PRRC1: variants seen among roughly 807,000 people sequenced by gnomAD.
The protein encoded by PRRC1 is protein PRRC1.
In PRRC1, 39 loss-of-function variants were observed where a neutral mutation model predicts 40.7. That is an observed-to-expected ratio of 0.96 (90% CI 0.74 to 1.25). The LOEUF (loss-of-function observed/expected upper bound fraction) is 1.25, where lower values mean the gene tolerates loss of function less well. Ranked by LOEUF, PRRC1 falls within the 50% of genes most tolerant of loss-of-function variation. The probability of loss-of-function intolerance (pLI) is 0.00; values close to 1 mark genes in which losing one functional copy is unlikely to be tolerated. For missense variants in PRRC1, 573 were observed against 548.3 expected, an observed-to-expected ratio of 1.05 and a Z score of -0.45; for synonymous variants, 175 against 193.3, an observed-to-expected ratio of 0.91 and a Z score of 0.79.
intron 7 of PRRC1, among the ~76,000 whole-genome samples, chr5:127,543,511 A>T (rs1768113991): frequency 6.6e-6 from 1 of 152,174 alleles, no homozygotes; most frequent in African/African-American, 2.4e-5. Context: ...CAGGTACACC[A>T]GTCAGACGTA....
chr5:127,525,612 T>G (rs1319320817), intron 3 of PRRC1, among the ~76,000 whole-genome samples: 1 of 152,222 alleles, frequency 6.6e-6, no homozygotes, highest in African/African-American at 2.4e-5. Context: ...TTTTACCTTC[T>G]TATTAGCAGT....
In PRRC1 at chr5:127,539,093, A is replaced by C. The variant is rs369655200; in HGVS notation, c.975A>C (p.Lys325Asn). ...SLRRTGVIHE[K>N]QTAVSVENFI... is the part of the protein sequence containing the mutation. Reference sequence around the variant, plus strand: ...GTCGAACTGGGGTGATCCATGAAAAACAGACAGCTGTGTCAGTAGAAAACT... The same window carrying C: ...GTCGAACTGGGGTGATCCATGAAAACCAGACAGCTGTGTCAGTAGAAAACT... The change falls in exon 7 of 9, where the codon AAA becomes AAC. Residue 325 changes from lysine to asparagine, a missense_variant. Lys to Asn is a moderately conservative substitution (Grantham distance 94). Coordinates refer to ENST00000296666, the MANE Select transcript of PRRC1 (RefSeq NM_130809.5). 7 of 1,612,926 alleles carry C rather than the reference A, an allele frequency of 4.3e-6. No individual in the cohort carries two copies. The African/African-American group carries it at 6.7e-5, about 15-fold the overall frequency.
chr5:127,523,567 A>G lies in PRRC1; in HGVS notation c.88A>G (p.Thr30Ala), dbSNP rs766095965. The G allele has an allele frequency of 2.5e-6, 4 of 1,608,354 alleles. No individual in the cohort carries two copies. Among genetic ancestry groups the G allele is most frequent in the Non-Finnish European group, 3.4e-6 (4 of 1,177,550 alleles). The change falls in exon 2 of 9, where the codon ACC becomes GCC. Residue 30 changes from threonine to alanine, a missense_variant. Coordinates refer to ENST00000296666, the MANE Select transcript of PRRC1 (RefSeq NM_130809.5). ...GCTGGCTGCTACTGCTATGTCTTCT[A>G]CCCCTGTTCCATTAGGTACATGTAG... The part of the protein sequence containing the change: ...AGLAATAMSS[T>A]PVPLAATSSF...
rs1768420374 is a variant in PRRC1, at chr5:127,552,481, A to T, written c.*565A>T. ...TCAGTAATATGGGCCAAAATAATGG[A>T]ATTGATTATTTTCCTTTTTGGCCAT... On this transcript the variant is annotated 3_prime_UTR_variant, in exon 9 of 9. Transcript: ENST00000296666. 1 of 986,606 alleles carries T rather than the reference A, an allele frequency of 1.0e-6. No homozygotes were observed. The highest frequency in any genetic ancestry group is 1.7e-5 in the African/African-American group (1 of 57,240). 61.1% of individuals were successfully genotyped at this position (986,606 alleles called of 1,614,324 possible).
intron 7 of PRRC1, among the ~76,000 whole-genome samples, chr5:127,543,751 G>A (rs1274969283): frequency 6.6e-6 from 1 of 152,016 alleles, no homozygotes; most frequent in South Asian, 2.1e-4. Context: ...TCTCTGTATT[G>A]GTTATTCTAG....
chr5:127,519,542 G>A lies in PRRC1; in HGVS notation c.-21+1766G>A, dbSNP rs181095175. Among the ~76,000 whole-genome samples the A allele has an allele frequency of 7.9e-5, 12 of 152,254 alleles. No homozygotes were observed. The East Asian group carries it at 2.3e-3, about 29-fold the overall frequency. On this transcript the variant is annotated intron_variant, in intron 1 of 8. Coordinates refer to ENST00000296666, the MANE Select transcript of PRRC1 (RefSeq NM_130809.5). ...GCTTCTCTGCAGCATTAATACTGTTGCCCATTCATACTGCGAAACTCTGGC... is the reference window on the plus strand; with the variant it reads ...GCTTCTCTGCAGCATTAATACTGTTACCCATTCATACTGCGAAACTCTGGC...
rs1768396746 is a variant in PRRC1, at chr5:127,551,891, A to G, written c.1313A>G (p.Gln438Arg). 6.2e-7 allele frequency: 1 copy of G among 1,614,102 alleles called. No individual in the cohort carries two copies. The change falls in exon 9 of 9, where the codon CAG becomes CGG. Residue 438 changes from glutamine to arginine, a missense_variant. Transcript: ENST00000296666. Reference protein sequence around the residue: ...AARAIAGMYKQRLPPRTV With the variant: ...AARAIAGMYKRRLPPRTV ...AGAGCGATAGCGGGCATGTATAAAC[A>G]GCGCCTGCCACCCAGGACAGTGTGA...
At chr5:127,541,837 C>G (rs2127109571) in intron 7 of PRRC1, among the ~76,000 whole-genome samples, 1 of 152,074 alleles carries the variant, frequency 6.6e-6, no homozygotes, top group Non-Finnish European at 1.5e-5. Context: ...CTCCTGGATT[C>G]ATTAATTTTT....
Position 127,552,424 on chromosome 5 carries a change from T to A in PRRC1, c.*508T>A, listed in dbSNP as rs1358651983. On this transcript the variant is annotated 3_prime_UTR_variant, in exon 9 of 9. Coordinates refer to ENST00000296666, the MANE Select transcript of PRRC1 (RefSeq NM_130809.5). ...ACAGTCACTATAAGACACCTACTTG[T>A]CGGGAGATGTTCCACATTTCTGTGC... 1 of 987,238 alleles carries A rather than the reference T, an allele frequency of 1.0e-6. No individual in the cohort carries two copies. Among genetic ancestry groups the A allele is most frequent in the Non-Finnish European group, 1.2e-6 (1 of 830,896 alleles). 61.2% of individuals were successfully genotyped at this position (987,238 alleles called of 1,614,324 possible).
rs898844171 is a variant in PRRC1 at position 127,553,073 on chromosome 5, C to CAA, written c.*1158_*1159dup. On this transcript the variant is annotated 3_prime_UTR_variant, in exon 9 of 9. Transcript: ENST00000296666. ...TTAATACTGTTGGACTTTGTATATA[C>CAA]AAGTTCAAATAACTTTTTCGAAGAT... 36 of 781,202 alleles carry CAA rather than the reference C, an allele frequency of 4.6e-5. No individual in the cohort carries two copies. In the African/African-American group the frequency reaches 6.6e-4, roughly 14 times the overall value. 48.4% of individuals were successfully genotyped at this position (781,202 alleles called of 1,614,324 possible).
intron 6 of PRRC1, among the ~76,000 whole-genome samples, chr5:127,537,991 A>G (rs1240556203): frequency 6.6e-6 from 1 of 151,846 alleles, no homozygotes; most frequent in Admixed American, 6.6e-5. Flanking sequence ...TTCTTTGTTC[A>G]GTTTTTTATG....
chr5:127,533,937 T>C, intron 6 of PRRC1, 151 bp downstream of exon 6: 3 of 786,342 alleles, frequency 3.8e-6, no homozygotes, highest in Admixed American at 2.0e-5. Flanking sequence ...TATCGTATTA[T>C]GAAGATATAG....
At chr5:127,540,034 G>A (rs1232571420) in intron 7 of PRRC1, among the ~76,000 whole-genome samples, 1 of 152,064 alleles carries the variant, frequency 6.6e-6, no homozygotes, top group African/African-American at 2.4e-5. Flanking sequence ...GAAGTAGGAT[G>A]TTCTGGGTGG....
chr5:127,530,474 C>T, intron 5 of PRRC1, 78 bp downstream of exon 5: 1 of 807,584 alleles, frequency 1.2e-6, no homozygotes, highest in Non-Finnish European at 2.0e-6. Flanking sequence ...TTGTAATTCT[C>T]TGTTCGTTTC....
intron 1 of PRRC1, among the ~76,000 whole-genome samples, chr5:127,518,485 C>T (rs1767375119): frequency 6.6e-6 from 1 of 152,212 alleles, no homozygotes; most frequent in African/African-American, 2.4e-5. Flanking sequence ...TGAGAGACAA[C>T]ATGTGCATTT....
chr5:127,535,687 T>G (rs544283899), intron 6 of PRRC1, among the ~76,000 whole-genome samples: 2 of 152,200 alleles, frequency 1.3e-5, no homozygotes, highest in Non-Finnish European at 2.9e-5. Context: ...TATAATAGCC[T>G]GCATTTTTTG....
At chr5:127,530,876 A>G (rs1369898566) in intron 5 of PRRC1, among the ~76,000 whole-genome samples, 2 of 152,220 alleles carry the variant, frequency 1.3e-5, no homozygotes, top group East Asian at 3.9e-4. Context: ...TGGGAAAGCT[A>G]TTTTTAACCA....
rs1768320253 is a variant in PRRC1, at chr5:127,549,639, T to A, written c.1128+1718T>A. ...CGTTATAATTATGAGGATGCTCCTG[T>A]CACTGCCACTGTTAACATTGCTGTA... On this transcript the variant is annotated intron_variant, in intron 8 of 8. Transcript: ENST00000296666. 2.6e-5 allele frequency: 4 copies of A among 152,232 alleles called. No homozygotes were observed. The South Asian group carries it at 8.3e-4, about 32-fold the overall frequency. 9.4% of individuals were successfully genotyped at this position (152,232 alleles called of 1,614,324 possible).
intron 4 of PRRC1, among the ~76,000 whole-genome samples, chr5:127,529,372 A>T (rs528053928): frequency 6.6e-6 from 1 of 151,962 alleles, no homozygotes; most frequent in African/African-American, 2.4e-5. Context: ...TTTTTTTTGC[A>T]TACAGACTAC....
Sources: allele counts gnomAD v4.1 joint callset (sites outside exome capture counted in the v4.1 genomes callset), GRCh38; gene constraint gnomAD v4.1.1; transcripts MANE v1.5; gene names NCBI Gene and HGNC (gene_info 2026-07-23, HGNC 2026-07-21).